The following DKK4 variants were observed in gnomAD, a reference collection of about 807,000 sequenced individuals.
The protein encoded by DKK4 is dickkopf-related protein 4.
Under a neutral mutation model 14.5 loss-of-function variants are expected in DKK4, and 15 were observed. That is an observed-to-expected ratio of 1.03 (90% CI 0.69 to 1.59). The LOEUF is 1.59. DKK4 is among the 40% of genes most tolerant of loss of function. The pLI, the probability that DKK4 is intolerant of heterozygous loss-of-function variation, is 0.00. For missense variants in DKK4, 272 were observed against 280.3 expected (o/e 0.97, Z 0.21); for synonymous variants, 89 against 105.2 (o/e 0.85, Z 0.94).
At chr8:42,384,102 G>A in the DKK4 span, among the ~76,000 whole-genome samples, 1 of 152,128 alleles carries the variant, frequency 6.6e-6, no homozygotes, top group South Asian at 2.1e-4. Context: ...AACATGGTGG[G>A]GGGAGGTCTG....
At chr8:42,386,604 A>C in the DKK4 span, among the ~76,000 whole-genome samples, 2 of 152,012 alleles carry the variant, frequency 1.3e-5, no homozygotes, top group Non-Finnish European at 2.9e-5. Flanking sequence ...CGATCCTCCC[A>C]GCCCCTCCTG....
upstream of DKK4, among the ~76,000 whole-genome samples, chr8:42,379,378 TAG>T (rs537441477): frequency 0.011 from 365 of 34,392 alleles, 2 homozygotes; most frequent in African/African-American, 0.017. Context: ...TATATATATA[TAG>T]AGAGAGAGAG....
At chr8:42,378,971 C>G (rs1585936295), upstream of DKK4, among the ~76,000 whole-genome samples, 1 of 145,718 alleles carries the variant, frequency 6.9e-6, no homozygotes, top group African/African-American at 2.6e-5. Flanking sequence ...AAAAAGTAGG[C>G]CGCGTGCGGT....
At position 42,376,969 on chromosome 8, in the gene DKK4, ATGT is replaced by A. The variant is rs780368591; in HGVS notation, c.74_76del (p.Asn25del). On this transcript the variant is annotated inframe_deletion, in exon 1 of 4. Coordinates refer to ENST00000220812, the MANE Select transcript of DKK4 (RefSeq NM_014420.3). ...CCCATGCAGGTCAGCAGAGCTCCTG[ATGT>A]TGTTGAAGTCCAGGACCAGAGCTCC... is the stretch of plus-strand genomic sequence containing the variant. 3.7e-6 allele frequency: 6 copies of A among 1,613,596 alleles called. No homozygotes were observed. Among genetic ancestry groups the A allele is most frequent in the Admixed American group, 1.7e-5 (1 of 59,978 alleles).
At chr8:42,388,860 C>A in the DKK4 span, among the ~76,000 whole-genome samples, 1 of 152,230 alleles carries the variant, frequency 6.6e-6, no homozygotes, top group South Asian at 2.1e-4. Context: ...TGAGCCACTG[C>A]GCCCAGCCAA....
chr8:42,374,738 T>C (rs1216306938), intron 3 of DKK4, 23 bp downstream of exon 3: 2 of 1,613,616 alleles, frequency 1.2e-6, no homozygotes, highest in Admixed American at 3.3e-5. Context: ...TGAAATAAAA[T>C]ATGCTGCGAA....
At chr8:42,380,000 G>A (rs1215252452), upstream of DKK4, among the ~76,000 whole-genome samples, 2 of 152,152 alleles carry the variant, frequency 1.3e-5, no homozygotes, top group Non-Finnish European at 2.9e-5. Context: ...CTTGAGGCCA[G>A]GGAGCAGCCT....
intron 2 of DKK4, 99 bp downstream of exon 2, chr8:42,375,581 G>A (rs1215973919): frequency 2.1e-6 from 3 of 1,409,504 alleles, no homozygotes; most frequent in East Asian, 4.6e-5. Context: ...ATGAATCTAG[G>A]AAGCACCATT....
chr8:42,387,761 CA>C, the DKK4 span, among the ~76,000 whole-genome samples: 2 of 152,200 alleles, frequency 1.3e-5, no homozygotes, highest in African/African-American at 4.8e-5. Flanking sequence ...CTTCCTGCAG[CA>C]GCTGACTTCC....
chr8:42,382,798 A>G, the DKK4 span, among the ~76,000 whole-genome samples: 1 of 152,220 alleles, frequency 6.6e-6, no homozygotes, highest in Non-Finnish European at 1.5e-5. Flanking sequence ...CTAAGCTTAG[A>G]GGAAATGAAA....
chr8:42,379,402 G>T (rs1397017431), upstream of DKK4, among the ~76,000 whole-genome samples: 41 of 123,090 alleles, frequency 3.3e-4, 1 homozygote, highest in Middle Eastern at 3.9e-3. Flanking sequence ...GAGAGAGAGA[G>T]AGAGAGAGAG....
chr8:42,384,380 C>T, the DKK4 span, among the ~76,000 whole-genome samples: 36 of 152,252 alleles, frequency 2.4e-4, no homozygotes, highest in Middle Eastern at 0.01. Context: ...TGGGCTCAAG[C>T]GATCCTCCCA....
At chr8:42,384,039 C>A in the DKK4 span, among the ~76,000 whole-genome samples, 1 of 152,192 alleles carries the variant, frequency 6.6e-6, no homozygotes, top group Non-Finnish European at 1.5e-5. Flanking sequence ...TGGGCACTAT[C>A]CCGCTTTCCT....
upstream of DKK4, among the ~76,000 whole-genome samples, chr8:42,378,432 A>C (rs555315604): frequency 6.6e-6 from 1 of 152,124 alleles, no homozygotes; most frequent in East Asian, 1.9e-4. Context: ...CCTTCCTACT[A>C]CTTGGCCCTT....
chr8:42,375,533 A>G (rs1824539840), intron 2 of DKK4, 147 bp downstream of exon 2: 3 of 997,988 alleles, frequency 3.0e-6, no homozygotes, highest in Non-Finnish European at 4.2e-6. Flanking sequence ...AAAAAAAAAA[A>G]GGAAAAGAAA....
At chr8:42,379,378 TAGAGAGAGAG>T (rs537441477), upstream of DKK4, among the ~76,000 whole-genome samples, 266 of 34,460 alleles carry the variant, frequency 7.7e-3, 10 homozygotes, top group African/African-American at 0.014. Flanking sequence ...TATATATATA[TAGAGAGAGAG>T]AGAGAGAGAG....
chr8:42,375,519 GAAAA>G (rs111452997), intron 2 of DKK4, among the ~76,000 whole-genome samples, 157 bp downstream of exon 2: 1 of 117,042 alleles, frequency 8.5e-6, no homozygotes, highest in African/African-American at 3.2e-5. Context: ...CTCCGCCTCA[GAAAA>G]AAAAAAAAAA....
the DKK4 span, among the ~76,000 whole-genome samples, chr8:42,386,839 A>G: frequency 6.6e-6 from 1 of 152,200 alleles, no homozygotes; most frequent in African/African-American, 2.4e-5. Context: ...TGGCTTCAGA[A>G]TCATATCCTA....
chr8:42,379,768 C>T (rs775946779), upstream of DKK4, among the ~76,000 whole-genome samples: 3 of 151,986 alleles, frequency 2.0e-5, no homozygotes, highest in Non-Finnish European at 2.9e-5. Flanking sequence ...AGGAGGTGCA[C>T]TCAGGTGCTA....
Sources: gnomAD v4.1 joint callset for allele counts (sites outside exome capture counted in the v4.1 genomes callset) on GRCh38, gnomAD v4.1.1 for gene constraint, MANE v1.5 for transcripts, NCBI Gene and HGNC (gene_info 2026-07-23, HGNC 2026-07-21) for gene names.